Variants in PCDH9 observed in about 807,000 individuals in gnomAD.
PCDH9 encodes the protein protocadherin 9.
A neutral mutation model predicts 70.6 loss-of-function variants in PCDH9; 24 were observed. The ratio of observed to expected loss-of-function variants is 0.34; its 90% CI spans 0.25 to 0.48. PCDH9 has a LOEUF of 0.48. PCDH9 is among the 20% of genes least tolerant of loss of function. The probability of loss-of-function intolerance (pLI) is 0.99; values close to 1 mark genes in which losing one functional copy is unlikely to be tolerated. For synonymous variants in PCDH9, 562 were observed against 558.5 expected (o/e 1.01, Z -0.09); for missense variants, 1,281 against 1,503.6 (o/e 0.85, Z 2.45).
chr13:66,964,625 A>T (rs992082329), intron 2 of PCDH9, among the ~76,000 whole-genome samples: 6 of 152,100 alleles, frequency 3.9e-5, no homozygotes, highest in Non-Finnish European at 7.4e-5. Context: ...AAAAAAAAAA[A>T]ATATTCTTCA....
chr13:66,779,335 G>A (rs1020550652), intron 3 of PCDH9, among the ~76,000 whole-genome samples: 2 of 152,032 alleles, frequency 1.3e-5, no homozygotes, highest in Non-Finnish European at 2.9e-5. Flanking sequence ...AACAACCTAA[G>A]TGTCCACTGA....
intron 3 of PCDH9, among the ~76,000 whole-genome samples, chr13:66,710,030 AATT>A (rs2078771065): frequency 6.6e-6 from 1 of 152,136 alleles, no homozygotes; most frequent in Non-Finnish European, 1.5e-5. Context: ...GAGGGTTAAA[AATT>A]ACCCAATGTC....
intron 4 of PCDH9, among the ~76,000 whole-genome samples, chr13:66,607,271 G>C (rs1037702533): frequency 6.6e-6 from 1 of 152,028 alleles, no homozygotes; most frequent in Non-Finnish European, 1.5e-5. Flanking sequence ...ATGTGAAAAT[G>C]ATATGTACTT....
intron 4 of PCDH9, among the ~76,000 whole-genome samples, chr13:66,342,783 GTATTTATTTATTGTATT>G (rs1446181937): frequency 0.015 from 2,116 of 143,218 alleles, 38 homozygotes; most frequent in African/African-American, 0.05. Context: ...CTGATTTATT[GTATTTATTTATTGTATT>G]TATTTATTTA....
In PCDH9 at chr13:66,475,465, A is replaced by G. The variant is rs751924431; in HGVS notation, c.3340+155745T>C. Reference sequence around the variant, plus strand: ...TGTATGTAAGGTGCCATATTCTCATATGTAAGAACTTACCCCTTCTGAGAC... The same window carrying G: ...TGTATGTAAGGTGCCATATTCTCATGTGTAAGAACTTACCCCTTCTGAGAC... On this transcript the variant is annotated intron_variant, in intron 4 of 4. Transcript: ENST00000377865. 3.4e-4 allele frequency among the ~76,000 whole-genome samples: 52 copies of G among 152,138 alleles called. 1 individual carries two copies. Among genetic ancestry groups the G allele is most frequent in the African/African-American group, 4.3e-4 (18 of 41,442 alleles).
intron 3 of PCDH9, among the ~76,000 whole-genome samples, chr13:66,845,339 C>T (rs772536559): frequency 9.2e-5 from 14 of 152,212 alleles, no homozygotes; most frequent in Non-Finnish European, 1.6e-4. Flanking sequence ...TCAGCGCTGC[C>T]GTGAGCGTGT....
intron 3 of PCDH9, among the ~76,000 whole-genome samples, chr13:66,806,635 A>T (rs2080414524): frequency 6.6e-6 from 1 of 152,154 alleles, no homozygotes; most frequent in Non-Finnish European, 1.5e-5. Flanking sequence ...CTGGGTTTGT[A>T]GTTTGGATCT....
chr13:66,711,287 G>C (rs1343901284), intron 3 of PCDH9, among the ~76,000 whole-genome samples: 36 of 151,720 alleles, frequency 2.4e-4, no homozygotes, highest in Admixed American at 2.2e-3. Flanking sequence ...AAGTGTATTT[G>C]TTAAGACCAT....
rs1158646169 is a variant in PCDH9, at chr13:67,104,908, C to T, written c.3036+120497G>A. Among the ~76,000 whole-genome samples the T allele has an allele frequency of 5.4e-5, 7 of 130,604 alleles. No individual in the cohort carries two copies. In the East Asian group the frequency reaches 2.1e-3, roughly 39 times the overall value. The allele number at this position is 130,604 out of a possible 152,430, so 85.7% of individuals were successfully genotyped here. ...TTCTATAAGAGAATCCTTAATCTCA[C>T]TTTTAAATCAGTTCCACTTCACTGA... On this transcript the variant is annotated intron_variant, in intron 2 of 4. Coordinates refer to ENST00000377865, the MANE Select transcript of PCDH9 (RefSeq NM_203487.3).
Position 66,412,586 on chromosome 13 carries a change from C to T in PCDH9, c.3341-107558G>A, listed in dbSNP as rs79097355. Among the ~76,000 whole-genome samples the T allele has an allele frequency of 8.8e-3, 1,335 of 152,248 alleles. 5 individuals carry two copies. Among genetic ancestry groups the T allele is most frequent in the Non-Finnish European group, 0.015 (1,053 of 68,020 alleles). On this transcript the variant is annotated intron_variant, in intron 4 of 4. Coordinates refer to ENST00000377865, the MANE Select transcript of PCDH9 (RefSeq NM_203487.3). ...CTATAGTAGATTATTTAATTTCAAACACTTTTTTCCCCTCAGTGGTAATAG... is the reference window on the plus strand; with the variant it reads ...CTATAGTAGATTATTTAATTTCAAATACTTTTTTCCCCTCAGTGGTAATAG...
At chr13:66,320,364 G>C (rs1236966850) in intron 4 of PCDH9, among the ~76,000 whole-genome samples, 1 of 151,922 alleles carries the variant, frequency 6.6e-6, no homozygotes, top group East Asian at 1.9e-4. Context: ...GCTGGCCCTT[G>C]CCAAATATTA....
chr13:66,625,386 G>A (rs1262010140), intron 4 of PCDH9, among the ~76,000 whole-genome samples: 1 of 151,986 alleles, frequency 6.6e-6, no homozygotes, highest in South Asian at 2.1e-4. Context: ...CTGTAAGAAC[G>A]GTATTTCAGG....
chr13:66,577,606 T>C (rs1236955414), intron 4 of PCDH9, among the ~76,000 whole-genome samples: 1 of 151,968 alleles, frequency 6.6e-6, no homozygotes, highest in Non-Finnish European at 1.5e-5. Flanking sequence ...CATATCCTTA[T>C]TTCTATTACT....
At position 66,891,330 on chromosome 13, in the gene PCDH9, C is replaced by G. The variant is rs2082092095; in HGVS notation, c.3138+12174G>C. The stretch of plus-strand genomic sequence containing the variant: ...CAAGATTGGGCTCACCAAAATGGTT[C>G]TTGCTTTTTCCTTTCCATGGCCTCA... On this transcript the variant is annotated intron_variant, in intron 3 of 4. Coordinates refer to ENST00000377865, the MANE Select transcript of PCDH9 (RefSeq NM_203487.3). 2.0e-5 allele frequency among the ~76,000 whole-genome samples: 3 copies of G among 152,064 alleles called. No individual in the cohort carries two copies. The South Asian group carries it at 6.2e-4, about 32-fold the overall frequency.
chr13:66,859,910 A>G (rs1038565461), intron 3 of PCDH9, among the ~76,000 whole-genome samples: 1 of 152,188 alleles, frequency 6.6e-6, no homozygotes, highest in Non-Finnish European at 1.5e-5. Flanking sequence ...CATTTGAATG[A>G]AATGGATTTT....
chr13:66,493,685 C>T (rs1297936781), intron 4 of PCDH9, among the ~76,000 whole-genome samples: 1 of 152,110 alleles, frequency 6.6e-6, no homozygotes, highest in African/African-American at 2.4e-5. Context: ...AAACTATGTA[C>T]TCATTCATTC....
chr13:66,306,159 GA>G (rs1386531578), intron 4 of PCDH9: 2 of 151,794 alleles, frequency 1.3e-5, no homozygotes. Flanking sequence ...AAAAAATGCA[GA>G]AAAAAGTAAA....
intron 4 of PCDH9, among the ~76,000 whole-genome samples, chr13:66,505,470 C>T (rs1959201689): frequency 6.6e-6 from 1 of 151,204 alleles, no homozygotes; most frequent in South Asian, 2.1e-4. Flanking sequence ...AGGTCCCTCC[C>T]ATGACACGTG....
intron 2 of PCDH9, among the ~76,000 whole-genome samples, chr13:67,000,179 G>C (rs975465487): frequency 6.6e-6 from 1 of 152,032 alleles, no homozygotes; most frequent in Admixed American, 6.6e-5. Flanking sequence ...CATGTCCTTT[G>C]TAGGGACATG....
Sources: allele counts gnomAD v4.1 joint callset (sites outside exome capture counted in the v4.1 genomes callset), GRCh38; gene constraint gnomAD v4.1.1; transcripts MANE v1.5; gene names NCBI Gene and HGNC (gene_info 2026-07-23, HGNC 2026-07-21).